CNTNAP2: variants seen among roughly 807,000 people sequenced by gnomAD.
CNTNAP2 encodes the protein contactin-associated protein-like 2.
CNTNAP2 carries 98 observed loss-of-function variants against 155.2 expected under a neutral mutation model. That is an observed-to-expected ratio of 0.63 (90% CI 0.54 to 0.75). CNTNAP2 has a LOEUF of 0.75. Among genes scored for constraint, CNTNAP2 ranks in the 30% least tolerant of loss-of-function variants. The pLI is 0.00. For synonymous variants in CNTNAP2, 651 were observed against 631.2 expected (o/e 1.03, Z -0.47); for missense variants, 1,727 against 1,688.1 (o/e 1.02, Z -0.40).
rs182290881 is a variant in CNTNAP2 at position 146,206,665 on chromosome 7, T to C, written c.97+89692T>C. On this transcript the variant is annotated intron_variant, in intron 1 of 23. Coordinates refer to ENST00000361727, the MANE Select transcript of CNTNAP2 (RefSeq NM_014141.6). Reference sequence around the variant, plus strand: ...GGTGTTTCTGGTCAACATTATTTTGTACTGCAAGGTTAAAATGATGAAATG... The same window carrying C: ...GGTGTTTCTGGTCAACATTATTTTGCACTGCAAGGTTAAAATGATGAAATG... Among the ~76,000 whole-genome samples, 9 of 152,082 alleles carry C rather than the reference T, an allele frequency of 5.9e-5. No individual in the cohort carries two copies. The East Asian group carries it at 1.7e-3, about 29-fold the overall frequency.
chr7:147,553,932 A>G (rs1300101417), intron 11 of CNTNAP2, among the ~76,000 whole-genome samples: 1 of 152,176 alleles, frequency 6.6e-6, no homozygotes, highest in African/African-American at 2.4e-5. Flanking sequence ...ATTGCACTCC[A>G]GCCTAGGCGA....
intron 4 of CNTNAP2, among the ~76,000 whole-genome samples, chr7:147,076,467 T>G (rs1047225788): frequency 3.9e-5 from 6 of 152,212 alleles, no homozygotes; most frequent in African/African-American, 1.4e-4. Context: ...TTGCCCACTT[T>G]TTGATGGGGT....
At chr7:148,118,337 C>T (rs754134829) in intron 16 of CNTNAP2, 49 bp downstream of exon 16, 7 of 1,602,348 alleles carry the variant, frequency 4.4e-6, no homozygotes, top group Non-Finnish European at 6.0e-6. Context: ...TTCGTCACCT[C>T]AGGGTGGTCC....
At chr7:147,759,944 T>C (rs1797274273) in intron 13 of CNTNAP2, among the ~76,000 whole-genome samples, 1 of 152,186 alleles carries the variant, frequency 6.6e-6, no homozygotes, top group African/African-American at 2.4e-5. Context: ...TTTCTGCTAG[T>C]AAATACCTTC....
intron 1 of CNTNAP2, among the ~76,000 whole-genome samples, chr7:146,461,924 T>C (rs1163051849): frequency 3.3e-5 from 5 of 152,236 alleles, no homozygotes. Context: ...ATGTGAAAGA[T>C]AAAATATTTT....
At chr7:146,462,780 A>G (rs113932729) in intron 1 of CNTNAP2, among the ~76,000 whole-genome samples, 4,157 of 152,232 alleles carry the variant, frequency 0.027, 134 homozygotes, top group African/African-American at 0.073. Context: ...GTAGCGGGGA[A>G]TAGTATGTTG....
intron 10 of CNTNAP2, among the ~76,000 whole-genome samples, chr7:147,476,736 G>A (rs530952965): frequency 6.6e-6 from 1 of 152,104 alleles, no homozygotes; most frequent in African/African-American, 2.4e-5. Context: ...AGACCAGCCT[G>A]GCCAACATGG....
chr7:146,188,157 T>G (rs1419884833), intron 1 of CNTNAP2, among the ~76,000 whole-genome samples: 2 of 152,146 alleles, frequency 1.3e-5, no homozygotes, highest in Admixed American at 6.6e-5. Context: ...ACAATCCATA[T>G]TGAAACAGGA....
chr7:147,115,525 C>A (rs1235999517), intron 5 of CNTNAP2, among the ~76,000 whole-genome samples: 1 of 152,106 alleles, frequency 6.6e-6, no homozygotes, highest in East Asian at 1.9e-4. Flanking sequence ...CCTTTTCATT[C>A]TTTTTTCTCT....
At chr7:147,301,573 GCTCTCT>G (rs1273428300) in intron 9 of CNTNAP2, among the ~76,000 whole-genome samples, 1 of 139,176 alleles carries the variant, frequency 7.2e-6, no homozygotes, top group Non-Finnish European at 1.5e-5. Flanking sequence ...TAGTTATATA[GCTCTCT>G]CTCTCTCTCT....
intron 15 of CNTNAP2, among the ~76,000 whole-genome samples, chr7:148,016,938 C>G (rs1183669529): frequency 1.3e-5 from 2 of 152,142 alleles, no homozygotes; most frequent in Non-Finnish European, 2.9e-5. Flanking sequence ...CCCTCTCTCT[C>G]TAAAAATCTC....
intron 14 of CNTNAP2, among the ~76,000 whole-genome samples, chr7:147,953,363 A>C (rs1290486266): frequency 6.6e-6 from 1 of 152,130 alleles, no homozygotes; most frequent in Non-Finnish European, 1.5e-5. Context: ...GTGGGACAAA[A>C]ATATCAGCAT....
intron 1 of CNTNAP2, among the ~76,000 whole-genome samples, chr7:146,557,838 C>A (rs1205794307): frequency 6.6e-6 from 1 of 152,054 alleles, no homozygotes; most frequent in Admixed American, 6.6e-5. Context: ...TTTTTGATAT[C>A]CTTTGGTAGC....
At chr7:147,752,944 A>C (rs931126135) in intron 13 of CNTNAP2, among the ~76,000 whole-genome samples, 9 of 152,198 alleles carry the variant, frequency 5.9e-5, no homozygotes, top group African/African-American at 1.9e-4. Flanking sequence ...CTGCATTCGT[A>C]TCCTGCTGTC....
chr7:146,972,052 T>C (rs973835987), intron 3 of CNTNAP2, among the ~76,000 whole-genome samples: 1 of 152,196 alleles, frequency 6.6e-6, no homozygotes, highest in Non-Finnish European at 1.5e-5. Context: ...CCTTGACATG[T>C]ACACTTGTTA....
At chr7:147,205,179 C>A (rs1401458333) in intron 8 of CNTNAP2, among the ~76,000 whole-genome samples, 1 of 152,042 alleles carries the variant, frequency 6.6e-6, no homozygotes, top group African/African-American at 2.4e-5. Context: ...TTAGTTCTCC[C>A]ATCACCAGAG....
chr7:147,728,642 G>A (rs1796684622), intron 13 of CNTNAP2, among the ~76,000 whole-genome samples: 1 of 151,954 alleles, frequency 6.6e-6, no homozygotes, highest in African/African-American at 2.4e-5. Context: ...TGAAGGACTG[G>A]GGAACTCAGT....
intron 15 of CNTNAP2, among the ~76,000 whole-genome samples, chr7:148,088,786 A>G (rs1219325705): frequency 6.6e-6 from 1 of 152,010 alleles, no homozygotes; most frequent in Non-Finnish European, 1.5e-5. Context: ...ATGAAGATGA[A>G]GAAACATTCT....
rs117858145 is a variant in CNTNAP2, at chr7:146,904,349, G to A, written c.402+64445G>A. Among the ~76,000 whole-genome samples, 132 of 152,162 alleles carry A rather than the reference G, an allele frequency of 8.7e-4. 1 individual carries two copies. In the East Asian group the frequency reaches 0.023, roughly 26 times the overall value. On this transcript the variant is annotated intron_variant, in intron 3 of 23. Coordinates refer to ENST00000361727, the MANE Select transcript of CNTNAP2 (RefSeq NM_014141.6). Reference sequence around the variant, plus strand: ...GAATTGTGGCCCCATACCTGTACTCGGTCCCTGTAATCTCGCCACGAAATG... The same window carrying A: ...GAATTGTGGCCCCATACCTGTACTCAGTCCCTGTAATCTCGCCACGAAATG...
Sources: allele counts gnomAD v4.1 joint callset (sites outside exome capture counted in the v4.1 genomes callset), GRCh38; gene constraint gnomAD v4.1.1; transcripts MANE v1.5; gene names NCBI Gene and HGNC (gene_info 2026-07-23, HGNC 2026-07-21).